The following DCAF5 variants were observed in gnomAD, a reference collection of about 807,000 sequenced individuals.
DCAF5 encodes the protein DDB1- and CUL4-associated factor 5.
A neutral mutation model predicts 80.7 loss-of-function variants in DCAF5; 9 were observed. The ratio of observed to expected loss-of-function variants is 0.11; its 90% CI spans 0.07 to 0.19. DCAF5 has a LOEUF of 0.19. DCAF5 is among the 10% of genes least tolerant of loss of function. The pLI, the probability that DCAF5 is intolerant of heterozygous loss-of-function variation, is 1.00. For missense variants in DCAF5, 842 were observed against 1,205.7 expected (o/e 0.70, Z 4.47); for synonymous variants, 433 against 461.9 (o/e 0.94, Z 0.80).
At chr14:69,094,080 C>T (rs573639350) in intron 5 of DCAF5, among the ~76,000 whole-genome samples, 29 of 152,226 alleles carry the variant, frequency 1.9e-4, no homozygotes, top group African/African-American at 6.7e-4. Context: ...ATGGAGTGTG[C>T]AAATAAACCA....
chr14:69,094,374 A>C (rs1273109047), intron 5 of DCAF5, among the ~76,000 whole-genome samples: 1 of 152,088 alleles, frequency 6.6e-6, no homozygotes, highest in Non-Finnish European at 1.5e-5. Flanking sequence ...ACACTATAGG[A>C]ATTTGGTTGT....
intron 7 of DCAF5, 84 bp from the exon 8 acceptor site, chr14:69,062,595 G>C: frequency 6.7e-7 from 1 of 1,492,842 alleles, no homozygotes; most frequent in East Asian, 2.3e-5. Context: ...AAACAGCTCT[G>C]AATGGGAGCA....
chr14:69,055,266 C>T lies in DCAF5; in HGVS notation c.1420G>A (p.Asp474Asn). The change falls in exon 9 of 9, where the codon GAT becomes AAT. Residue 474 changes from aspartate to asparagine, a missense_variant. Physicochemically the swap from Asp to Asn is conservative, Grantham distance 23 (BLOSUM62 1). Coordinates refer to ENST00000341516, the MANE Select transcript of DCAF5 (RefSeq NM_003861.3). The surrounding 1 kb of genome is among the most constrained non-coding windows in gnomAD (Gnocchi z 5.6). ...SLPRSPPPTV[D>N]ESADNAFHLG... ...TGGAAGGCGTTGTCGGCAGACTCAT[C>T]TACTGTGGGAGGCGGGGAGCGAGGC... 1 of 1,614,216 alleles carries T rather than the reference C, an allele frequency of 6.2e-7. No individual in the cohort carries two copies. Among genetic ancestry groups the T allele is most frequent in the Non-Finnish European group, 8.5e-7 (1 of 1,180,040 alleles).
intron 1 of DCAF5, among the ~76,000 whole-genome samples, chr14:69,148,070 A>G (rs2041592681): frequency 1.3e-5 from 2 of 150,648 alleles, no homozygotes; most frequent in Non-Finnish European, 3.0e-5. Flanking sequence ...TGGTCATCCA[A>G]TCAGAGCCCT....
intron 5 of DCAF5, among the ~76,000 whole-genome samples, chr14:69,111,616 A>G (rs1325693809): frequency 6.6e-6 from 1 of 152,294 alleles, no homozygotes; most frequent in Non-Finnish European, 1.5e-5. Context: ...AGAGCAGGGG[A>G]AACTTTTGCT....
chr14:69,115,181 C>G (rs7158145), intron 5 of DCAF5, among the ~76,000 whole-genome samples: 43,529 of 152,072 alleles, frequency 0.29, 7,339 homozygotes, highest in Middle Eastern at 0.46. Context: ...AGTGCAAAGG[C>G]ACATCAGGGG....
intron 8 of DCAF5, among the ~76,000 whole-genome samples, chr14:69,060,307 A>G (rs75183997): frequency 0.042 from 6,452 of 152,264 alleles, 174 homozygotes; most frequent in African/African-American, 0.076. Context: ...GCAGGGCTCT[A>G]TCCTAGCTTT....
At position 69,062,624 on chromosome 14, in the gene DCAF5, C is replaced by T. The variant is rs1003412135; in HGVS notation, c.947-113G>A. On this transcript the variant is annotated intron_variant, in intron 7 of 8. Coordinates refer to ENST00000341516, the MANE Select transcript of DCAF5 (RefSeq NM_003861.3). ...GGGAGCAAAGATTTTTGGATTATAC[C>T]ACCAGCAGAATGCTTAATCTTACAG... 3.9e-5 allele frequency: 46 copies of T among 1,182,596 alleles called. No individual in the cohort carries two copies. The African/African-American group carries it at 6.0e-4, about 15-fold the overall frequency. 73.3% of individuals were successfully genotyped at this position (1,182,596 alleles called of 1,614,324 possible). A position where few individuals can be genotyped will look rare whatever the true frequency, so the allele number is the denominator to read the frequency against.
chr14:69,093,941 A>G (rs1367204575), intron 5 of DCAF5, among the ~76,000 whole-genome samples: 1 of 152,210 alleles, frequency 6.6e-6, no homozygotes, highest in Non-Finnish European at 1.5e-5. Flanking sequence ...TCTTGCATAC[A>G]GAAAATGAAT....
rs35075766 is a variant in DCAF5 at position 69,105,914 on chromosome 14, C to CATATATATATAT, written c.665+10440_665+10451dup. ...GAGCCAATTTTCCCTAATAAACTGT[C>CATATATATATAT]ATATATATATATATATATATATATA... On this transcript the variant is annotated intron_variant, in intron 5 of 8. Coordinates refer to ENST00000341516, the MANE Select transcript of DCAF5 (RefSeq NM_003861.3). Among the ~76,000 whole-genome samples the CATATATATATAT allele has an allele frequency of 5.7e-3, 286 of 49,960 alleles. 20 individuals carry two copies. Among genetic ancestry groups the CATATATATATAT allele is most frequent in the East Asian group, 0.021 (8 of 388 alleles). The allele number at this position is 49,960 out of a possible 152,430, so 32.8% of individuals were successfully genotyped here.
intron 1 of DCAF5, among the ~76,000 whole-genome samples, chr14:69,143,690 G>C (rs1443285378): frequency 6.6e-6 from 1 of 150,944 alleles, no homozygotes; most frequent in Non-Finnish European, 1.5e-5. Flanking sequence ...TTACATTTTG[G>C]GAAGCTTATA....
rs999267097 is a variant in DCAF5, at chr14:69,118,552, T to G, written c.396-274A>C. Among the ~76,000 whole-genome samples, 3 of 152,178 alleles carry G rather than the reference T, an allele frequency of 2.0e-5. 1 individual carries two copies. In the South Asian group the frequency reaches 6.2e-4, roughly 31 times the overall value. On this transcript the variant is annotated intron_variant, in intron 3 of 8. Transcript: ENST00000341516. The surrounding 1 kb of genome is among the most constrained non-coding windows in gnomAD (Gnocchi z 4.0). ...CAATAGCTGAGTTTTGTATTTTCAT[T>G]TATTACAGAATGCATCTGCTTGTGT...
chr14:69,065,013 A>T (rs1021763225), intron 7 of DCAF5, among the ~76,000 whole-genome samples: 14 of 152,204 alleles, frequency 9.2e-5, no homozygotes, highest in African/African-American at 2.9e-4. Context: ...TATCAGATCT[A>T]AAGACTAATT....
chr14:69,153,099 A>G lies in DCAF5; in HGVS notation c.-121T>C. On this transcript the variant is annotated 5_prime_UTR_variant, in exon 1 of 9. It removes an upstream start codon present in the reference 5' UTR. Coordinates refer to ENST00000341516, the MANE Select transcript of DCAF5 (RefSeq NM_003861.3). ...GATCCGGATGGTTCTTTAACCAGCC[A>G]TGGCAGGCAGAGCGAGGTGTGCAGA... 1 of 761,262 alleles carries G rather than the reference A, an allele frequency of 1.3e-6. No homozygotes were observed. The highest frequency in any genetic ancestry group is 1.9e-6 in the Non-Finnish European group (1 of 527,456). The allele number at this position is 761,262 out of a possible 1,614,324, so 47.2% of individuals were successfully genotyped here. A position where few individuals can be genotyped will look rare whatever the true frequency, so the allele number is the denominator to read the frequency against.
At chr14:69,083,556 T>C in intron 6 of DCAF5, 1 of 399,330 alleles carries the variant, frequency 2.5e-6, no homozygotes, top group Non-Finnish European at 4.8e-6. Flanking sequence ...GTGGAAAGGT[T>C]AAAAAATCAA....
chr14:69,122,405 C>T, intron 1 of DCAF5, 45 bp from the exon 2 acceptor site: 2 of 1,580,428 alleles, frequency 1.3e-6, no homozygotes, highest in Non-Finnish European at 1.7e-6. Context: ...GCTGACATCG[C>T]AAGGCTGACA....
intron 5 of DCAF5, among the ~76,000 whole-genome samples, chr14:69,113,124 G>A (rs1463395129): frequency 6.6e-6 from 1 of 152,076 alleles, no homozygotes; most frequent in Non-Finnish European, 1.5e-5. Flanking sequence ...CAAGTGGAGA[G>A]GTATAGTGTA....
intron 1 of DCAF5, among the ~76,000 whole-genome samples, chr14:69,150,357 T>A (rs2041662264): frequency 2.0e-5 from 3 of 152,074 alleles, no homozygotes; most frequent in Non-Finnish European, 4.4e-5. Flanking sequence ...AATCGAAAGG[T>A]CTGCCAGAGC....
intron 1 of DCAF5, among the ~76,000 whole-genome samples, chr14:69,133,135 C>T (rs1304840619): frequency 6.6e-6 from 1 of 152,166 alleles, no homozygotes; most frequent in Non-Finnish European, 1.5e-5. Context: ...TCTTCCAATC[C>T]TTTTAACAAC....
Sources: allele counts gnomAD v4.1 joint callset (sites outside exome capture counted in the v4.1 genomes callset), GRCh38; gene constraint gnomAD v4.1.1; non-coding constraint Gnocchi (gnomAD v3.1); transcripts MANE v1.5; gene names NCBI Gene and HGNC (gene_info 2026-07-23, HGNC 2026-07-21).